The following FMNL2 variants were observed in gnomAD, a reference collection of about 807,000 sequenced individuals.
FMNL2 encodes formin-like protein 2.
FMNL2 carries 51 observed loss-of-function variants against 130.2 expected under a neutral mutation model. That is an observed-to-expected ratio of 0.39 (90% CI 0.31 to 0.49). The LOEUF is 0.49. FMNL2 is among the 20% of genes least tolerant of loss of function. The pLI is 0.85. For synonymous variants in FMNL2, 465 were observed against 467.1 expected (o/e 1.00, Z 0.06); for missense variants, 977 against 1,316.2 (o/e 0.74, Z 3.99).
Position 152,459,873 on chromosome 2 carries a change from C to A in FMNL2, c.118-62070C>A, listed in dbSNP as rs191165892. Among the ~76,000 whole-genome samples, 12 of 152,274 alleles carry A rather than the reference C, an allele frequency of 7.9e-5. No homozygotes were observed. In the East Asian group the frequency reaches 1.7e-3, roughly 22 times the overall value. On this transcript the variant is annotated intron_variant, in intron 1 of 25. Transcript: ENST00000288670. The stretch of plus-strand genomic sequence containing the variant: ...GAAAAGAAAAAAACCCCAGATGTTT[C>A]TGTGAGCTCTTGGAAGCTGTCACAG...
chr2:152,577,036 G>A (rs1466304682), intron 7 of FMNL2, among the ~76,000 whole-genome samples: 2 of 152,180 alleles, frequency 1.3e-5, no homozygotes, highest in Non-Finnish European at 2.9e-5. Flanking sequence ...GACCATGCTG[G>A]CTTCTGTGTT....
At chr2:152,485,374 C>T (rs1319133420) in intron 1 of FMNL2, among the ~76,000 whole-genome samples, 1 of 152,100 alleles carries the variant, frequency 6.6e-6, no homozygotes, top group East Asian at 1.9e-4. Context: ...ACCTGTAGTC[C>T]CAGCTACTTG....
chr2:152,375,677 T>C (rs1415433712), intron 1 of FMNL2, among the ~76,000 whole-genome samples: 1 of 151,974 alleles, frequency 6.6e-6, no homozygotes, highest in African/African-American at 2.4e-5. Flanking sequence ...AATCTGCAGC[T>C]GAATTTAGGG....
At chr2:152,404,170 C>G (rs1031015011) in intron 1 of FMNL2, among the ~76,000 whole-genome samples, 4 of 152,230 alleles carry the variant, frequency 2.6e-5, no homozygotes, top group Admixed American at 1.3e-4. Context: ...ACTTCCATCT[C>G]TGGGTCTTTC....
chr2:152,485,779 G>A (rs374923719), intron 1 of FMNL2, among the ~76,000 whole-genome samples: 8 of 152,202 alleles, frequency 5.3e-5, no homozygotes, highest in East Asian at 3.9e-4. Flanking sequence ...TCTCCATTTC[G>A]CCTAGCAATT....
At chr2:152,411,550 A>T (rs1370012964) in intron 1 of FMNL2, among the ~76,000 whole-genome samples, 1 of 152,118 alleles carries the variant, frequency 6.6e-6, no homozygotes, top group Admixed American at 6.5e-5. Context: ...GAGAAAGTTA[A>T]CCCACTTTGG....
At chr2:152,430,774 G>A (rs1255681514) in intron 1 of FMNL2, among the ~76,000 whole-genome samples, 1 of 152,154 alleles carries the variant, frequency 6.6e-6, no homozygotes, top group Non-Finnish European at 1.5e-5. Flanking sequence ...TGGGGAGGCT[G>A]AGGCACGAGA....
chr2:152,595,201 A>G (rs6748966), intron 9 of FMNL2, among the ~76,000 whole-genome samples: 88,521 of 152,090 alleles, frequency 0.58, 26,418 homozygotes, highest in East Asian at 0.78. Context: ...CCAGGAATAG[A>G]TGTAAAATTA....
At chr2:152,481,710 C>T (rs1376404504) in intron 1 of FMNL2, among the ~76,000 whole-genome samples, 8 of 152,144 alleles carry the variant, frequency 5.3e-5, no homozygotes, top group Non-Finnish European at 1.0e-4. Flanking sequence ...GTAGGATTGT[C>T]GTGATAGGTC....
At chr2:152,437,601 C>T (rs1687834146) in intron 1 of FMNL2, among the ~76,000 whole-genome samples, 1 of 152,076 alleles carries the variant, frequency 6.6e-6, no homozygotes, top group African/African-American at 2.4e-5. Flanking sequence ...CTTGATTATG[C>T]CTTTTTACAG....
At chr2:152,526,435 C>G (rs1033654094) in intron 2 of FMNL2, among the ~76,000 whole-genome samples, 2 of 152,098 alleles carry the variant, frequency 1.3e-5, no homozygotes, top group Non-Finnish European at 2.9e-5. Context: ...TGCCTTTTAG[C>G]CCTGTTTCCC....
intron 1 of FMNL2, among the ~76,000 whole-genome samples, chr2:152,487,039 A>G (rs1410939087): frequency 6.6e-6 from 1 of 152,212 alleles, no homozygotes; most frequent in Non-Finnish European, 1.5e-5. Context: ...GGATCCCACA[A>G]ATATTTATTG....
chr2:152,428,518 G>T (rs17399003), intron 1 of FMNL2, among the ~76,000 whole-genome samples: 3 of 152,058 alleles, frequency 2.0e-5, no homozygotes, highest in Non-Finnish European at 4.4e-5. Flanking sequence ...TGTCTTCTAG[G>T]TTAGCTTATT....
intron 1 of FMNL2, among the ~76,000 whole-genome samples, chr2:152,391,174 C>A (rs1375234527): frequency 1.3e-5 from 2 of 152,326 alleles, no homozygotes; most frequent in East Asian, 3.9e-4. Context: ...TGAATTGATT[C>A]TAGAGGTGGA....
At position 152,566,088 on chromosome 2, in the gene FMNL2, T is replaced by G. The variant is rs1334187914; in HGVS notation, c.596+5053T>G. On this transcript the variant is annotated intron_variant, in intron 6 of 25. Coordinates refer to ENST00000288670, the MANE Select transcript of FMNL2 (RefSeq NM_052905.4). ...AGCCACCATGCCTAGCCAAGATAAT[T>G]ACTTTAATGGAATGGCATTTCATGA... Among the ~76,000 whole-genome samples, 3 of 152,286 alleles carry G rather than the reference T, an allele frequency of 2.0e-5. No individual in the cohort carries two copies. In the East Asian group the frequency reaches 5.8e-4, roughly 29 times the overall value.
intron 6 of FMNL2, among the ~76,000 whole-genome samples, chr2:152,564,592 G>C (rs539790619): frequency 6.6e-6 from 1 of 152,098 alleles, no homozygotes; most frequent in East Asian, 1.9e-4. Context: ...AACTAGCTGG[G>C]TGTGGTGGTG....
At chr2:152,420,245 C>T (rs1215702705) in intron 1 of FMNL2, among the ~76,000 whole-genome samples, 1 of 152,078 alleles carries the variant, frequency 6.6e-6, no homozygotes, top group African/African-American at 2.4e-5. Context: ...ATTTGGTCAC[C>T]ACAAATTATA....
rs775790252 is a variant in FMNL2, at chr2:152,619,561, T to G, written c.1680T>G (p.Pro560=). 9.8e-5 allele frequency: 73 copies of G among 746,324 alleles called. No individual in the cohort carries two copies. The highest frequency in any genetic ancestry group is 1.3e-4 in the Non-Finnish European group (69 of 545,716). The allele number at this position is 746,324 out of a possible 1,614,324, so 46.2% of individuals were successfully genotyped here. A position where few individuals can be genotyped will look rare whatever the true frequency, so the allele number is the denominator to read the frequency against. The part of the protein sequence containing the change: ...PPMPPPPPPP[P]PPPPPPPPPP... ...TGCCACCGCCGCCGCCGCCCCCTCC[T>G]CCACCTCCTCCTCCCCCACCGCCCC... The change falls in exon 15 of 26, where the codon CCT becomes CCG. Residue 560 remains proline (P), a synonymous_variant. Transcript: ENST00000288670.
At chr2:152,499,159 C>A (rs1691674569) in intron 1 of FMNL2, among the ~76,000 whole-genome samples, 2 of 152,140 alleles carry the variant, frequency 1.3e-5, no homozygotes, top group Non-Finnish European at 2.9e-5. Context: ...GTCAAAGTCC[C>A]AGTGGAAAAG....
Sources: gnomAD v4.1 joint callset for allele counts (sites outside exome capture counted in the v4.1 genomes callset) on GRCh38, gnomAD v4.1.1 for gene constraint, MANE v1.5 for transcripts, NCBI Gene and HGNC (gene_info 2026-07-23, HGNC 2026-07-21) for gene names.